Variants in AKAP17A observed in about 807,000 individuals in gnomAD.
The protein encoded by AKAP17A is A-kinase anchor protein 17A.
A neutral mutation model predicts 52.2 loss-of-function variants in AKAP17A; 15 were observed. That is an observed-to-expected ratio of 0.29 (90% CI 0.19 to 0.44). AKAP17A has a LOEUF of 0.44. AKAP17A is among the 20% of genes least tolerant of loss of function. The pLI, the probability that AKAP17A is intolerant of heterozygous loss-of-function variation, is 1.00. For synonymous variants in AKAP17A, 514 were observed against 424.7 expected (o/e 1.21, Z -2.58); for missense variants, 1,060 against 1,007.0 (o/e 1.05, Z -0.71).
intron 3 of AKAP17A, among the ~76,000 whole-genome samples, chrX:1,595,763 G>T (rs749030085): frequency 2.0e-4 from 30 of 152,148 alleles, no homozygotes; most frequent in African/African-American, 6.7e-4. Flanking sequence ...GTGTGCACGT[G>T]TGCCTGTGTG....
intron 4 of AKAP17A, 66 bp from the exon 5 acceptor site, chrX:1,600,593 C>T (rs1348188801): frequency 1.4e-6 from 2 of 1,421,102 alleles, no homozygotes; most frequent in Non-Finnish European, 1.9e-6. Flanking sequence ...ACCTTCCCAG[C>T]TCCTGTCCCA....
chrX:1,593,798 G>A lies in AKAP17A; in HGVS notation c.336G>A (p.Val112=), dbSNP rs769271226. 6.2e-7 allele frequency: 1 copy of A among 1,613,362 alleles called. No homozygotes were observed. Among genetic ancestry groups the A allele is most frequent in the Non-Finnish European group, 8.5e-7 (1 of 1,179,698 alleles). Residue 112 remains valine, a synonymous_variant, in exon 2 of 5, where the codon GTG becomes GTA. Coordinates refer to ENST00000313871, the MANE Select transcript of AKAP17A (RefSeq NM_005088.3). ...KLSGFSDILK[V]RAAEFKIDFP... ...GCGGCTTCTCCGACATCCTGAAGGT[G>A]CGCGCGGCCGAGTTCAAGATCGACT...
intron 3 of AKAP17A, 85 bp from the exon 4 acceptor site, chrX:1,599,107 C>G: frequency 6.4e-7 from 1 of 1,552,414 alleles, no homozygotes; most frequent in Non-Finnish European, 8.7e-7. Flanking sequence ...TGGCCTGTTC[C>G]GCCGTGTTTG....
chrX:1,600,187 C>G, intron 4 of AKAP17A: 1 of 1,308,406 alleles, frequency 7.6e-7, no homozygotes, highest in Non-Finnish European at 1.0e-6. Flanking sequence ...AGACATGTGG[C>G]AGCCCAGTCC....
intron 2 of AKAP17A, among the ~76,000 whole-genome samples, chrX:1,594,647 C>T (rs1206332870): frequency 2.0e-5 from 3 of 150,904 alleles, no homozygotes; most frequent in Non-Finnish European, 4.4e-5. Context: ...GAGGCAGAGT[C>T]TCGATCTGTT....
At chrX:1,599,764 C>T (rs758837980) in intron 4 of AKAP17A, 33 of 608,514 alleles carry the variant, frequency 5.4e-5, no homozygotes, top group African/African-American at 5.2e-4. Context: ...GGGCCGCTCC[C>T]TCTGGCCCGC....
Position 1,601,186 on chromosome X carries a change from C to A in AKAP17A, c.1680C>A (p.Ile560=). The A allele has an allele frequency of 6.2e-7, 1 of 1,613,954 alleles. No individual in the cohort carries two copies. Among genetic ancestry groups the A allele is most frequent in the Non-Finnish European group, 8.5e-7 (1 of 1,179,824 alleles). ...IPDNNQQPKG[I]PACEQNVSRK... ...ACAACAACCAACAGCCCAAGGGCAT[C>A]CCTGCCTGCGAGCAGAATGTCTCCA... The change falls in exon 5 of 5, where the codon ATC becomes ATA. Residue 560 remains isoleucine (I), a synonymous_variant. Coordinates refer to ENST00000313871, the MANE Select transcript of AKAP17A (RefSeq NM_005088.3).
At chrX:1,599,081 C>G (rs1374617405) in intron 3 of AKAP17A, 111 bp from the exon 4 acceptor site, 6 of 1,493,858 alleles carry the variant, frequency 4.0e-6, no homozygotes, top group Non-Finnish European at 5.4e-6. Context: ...GAGTTAAATG[C>G]TTAATCGTTG....
rs746371091 is a variant in AKAP17A, at chrX:1,593,958, T to C, written c.496T>C (p.Ser166Pro). 2.5e-6 allele frequency: 4 copies of C among 1,604,896 alleles called. No homozygotes were observed. The highest frequency in any genetic ancestry group is 3.4e-6 in the Non-Finnish European group (4 of 1,174,542). The part of the protein sequence containing the change: ...CKWFALKESG[S>P]EKPSEDVLVK... The stretch of plus-strand genomic sequence containing the variant: ...GTGGTTCGCCCTGAAGGAGTCGGGC[T>C]CCGAGAAGCCCAGCGAGGACGTCCT... Residue 166 changes from serine (S) to proline (P), a missense_variant, in exon 2 of 5, where the codon TCC (serine) becomes CCC (proline). Ser to Pro is a moderately conservative substitution (Grantham distance 74). Transcript: ENST00000313871.
chrX:1,599,129 G>A, intron 3 of AKAP17A, 63 bp from the exon 4 acceptor site: 1 of 1,581,254 alleles, frequency 6.3e-7, no homozygotes, highest in South Asian at 1.2e-5. Flanking sequence ...AAAGCCGCTT[G>A]TATGGTGTGT....
At position 1,602,021 on chromosome X, in the gene AKAP17A, G is replaced by A. The variant is rs777570513; in HGVS notation, c.*427G>A. 20 of 176,924 alleles carry A rather than the reference G, an allele frequency of 1.1e-4. No homozygotes were observed. The South Asian group carries it at 1.4e-3, about 12-fold the overall frequency. 11.0% of individuals were successfully genotyped at this position (176,924 alleles called of 1,614,324 possible). On this transcript the variant is annotated 3_prime_UTR_variant, in exon 5 of 5. Coordinates refer to ENST00000313871, the MANE Select transcript of AKAP17A (RefSeq NM_005088.3). The stretch of plus-strand genomic sequence containing the variant: ...GTCACACTGGCACTGAAAAGAAAGC[G>A]TTGCCCTGGTGATTCTTTCCCCCCC...
At chrX:1,598,452 C>T (rs1359130584) in intron 3 of AKAP17A, among the ~76,000 whole-genome samples, 3 of 151,932 alleles carry the variant, frequency 2.0e-5, no homozygotes, top group African/African-American at 4.8e-5. Flanking sequence ...GGCGCCCACC[C>T]GGGCTTCAGA....
At chrX:1,592,776 G>C (rs1320558923) in intron 1 of AKAP17A, among the ~76,000 whole-genome samples, 1 of 152,188 alleles carries the variant, frequency 6.6e-6, no homozygotes, top group African/African-American at 2.4e-5. Flanking sequence ...GAAGAGGTGG[G>C]TTAATGAAGG....
chrX:1,595,596 GTGTGCGTGTGTCTGCATGTATTCC>G (rs1173320101), intron 3 of AKAP17A, 64 bp downstream of exon 3: 2 of 1,599,796 alleles, frequency 1.3e-6, no homozygotes, highest in African/African-American at 1.3e-5. Context: ...GCGCAGACCC[GTGTGCGTGTGTCTGCATGTATTCC>G]TGTGCGTGTG....
intron 4 of AKAP17A, chrX:1,599,936 A>G: frequency 2.0e-6 from 1 of 495,440 alleles, no homozygotes. Context: ...CAGCGCCGGT[A>G]CTGACGACCC....
Position 1,601,544 on chromosome X carries a change from C to T in AKAP17A, c.2038C>T (p.Arg680Trp), listed in dbSNP as rs764483214. 54 of 1,471,638 alleles carry T rather than the reference C, an allele frequency of 3.7e-5. 1 individual carries two copies. Among genetic ancestry groups the T allele is most frequent in the South Asian group, 6.9e-5 (5 of 72,526 alleles). The allele number at this position is 1,471,638 out of a possible 1,614,324, so 91.2% of individuals were successfully genotyped here. ...CAGCCGCCACCGCCGCCGAAGCGAG[C>T]GGTCGCGCTCCCGGTCCCCGAGCAG... ...KHSRHRRRSE[R>W]SRSRSPSRHR... The change falls in exon 5 of 5, where the codon CGG becomes TGG. Residue 680 changes from arginine to tryptophan, a missense_variant. Coordinates refer to ENST00000313871, the MANE Select transcript of AKAP17A (RefSeq NM_005088.3).
rs770034996 is a variant in AKAP17A at position 1,601,182 on chromosome X, G to A, written c.1676G>A (p.Gly559Asp). Residue 559 changes from glycine (G) to aspartate (D), a missense_variant, in exon 5 of 5, where the codon GGC (glycine) becomes GAC (aspartate). Transcript: ENST00000313871. ...CIPDNNQQPK[G>D]IPACEQNVSR... Reference sequence around the variant, plus strand: ...CCTGACAACAACCAACAGCCCAAGGGCATCCCTGCCTGCGAGCAGAATGTC... The same window carrying A: ...CCTGACAACAACCAACAGCCCAAGGACATCCCTGCCTGCGAGCAGAATGTC... The A allele has an allele frequency of 3.3e-5, 53 of 1,613,904 alleles. No homozygotes were observed. Among genetic ancestry groups the A allele is most frequent in the Non-Finnish European group, 4.4e-5 (52 of 1,179,804 alleles).
rs1162605358 is a variant in AKAP17A at position 1,600,977 on chromosome X, C to T, written c.1471C>T (p.Pro491Ser). ...CACGCTGCACCCCCTCGGGGGCCAG[C>T]CCCCGGCCGGTGCCCCCAAGGAGAG... ...ATTLHPLGGQ[P>S]PAGAPKESPA... Residue 491 changes from proline to serine, a missense_variant, in exon 5 of 5, where the codon CCC becomes TCC. Around this residue, in one of 2 missense-constraint regions of AKAP17A, gnomAD observed 793 missense variants for 629.9 expected, o/e 1.26. Coordinates refer to ENST00000313871, the MANE Select transcript of AKAP17A (RefSeq NM_005088.3). The T allele has an allele frequency of 3.8e-6, 6 of 1,593,586 alleles. No individual in the cohort carries two copies. Among genetic ancestry groups the T allele is most frequent in the Admixed American group, 3.5e-5 (2 of 56,652 alleles).
At chrX:1,599,839 G>A (rs1303021022) in intron 4 of AKAP17A, 5 of 597,044 alleles carry the variant, frequency 8.4e-6, no homozygotes, top group Admixed American at 3.0e-5. Flanking sequence ...GAGGGGCAAG[G>A]TGGGCTGGGG....
Sources: gnomAD v4.1 joint callset for allele counts (sites outside exome capture counted in the v4.1 genomes callset) on GRCh38, gnomAD v4.1.1 for gene constraint, gnomAD v4.1.1 regional missense constraint, MANE v1.5 for transcripts, NCBI Gene and HGNC (gene_info 2026-07-23, HGNC 2026-07-21) for gene names.